SEMA6A: variants seen among roughly 807,000 people sequenced by gnomAD.
SEMA6A encodes semaphorin 6A.
Under a neutral mutation model 96.8 loss-of-function variants are expected in SEMA6A, and 25 were observed. That is an observed-to-expected ratio of 0.26 (90% CI 0.19 to 0.36). The LOEUF (loss-of-function observed/expected upper bound fraction) is 0.36, where lower values mean the gene tolerates loss of function less well. Among genes scored for constraint, SEMA6A ranks in the 10% least tolerant of loss-of-function variants. The pLI is 1.00. For missense variants in SEMA6A, 1,363 were observed against 1,323.1 expected (o/e 1.03, Z -0.47); for synonymous variants, 612 against 518.0 (o/e 1.18, Z -2.46).
At chr5:116,507,811 C>A (rs991878556) in intron 1 of SEMA6A, among the ~76,000 whole-genome samples, 1 of 152,192 alleles carries the variant, frequency 6.6e-6, no homozygotes, top group Non-Finnish European at 1.5e-5. Context: ...CTTGTCTCAG[C>A]CTTTCACTCT....
At chr5:116,482,952 C>T (rs996206602) in intron 10 of SEMA6A, among the ~76,000 whole-genome samples, 2 of 152,170 alleles carry the variant, frequency 1.3e-5, no homozygotes, top group Non-Finnish European at 2.9e-5. Flanking sequence ...TTCTGTGTCA[C>T]TAATATTGGT....
chr5:116,562,715 C>G (rs570023052), intron 1 of SEMA6A: 6 of 733,150 alleles, frequency 8.2e-6, no homozygotes, highest in South Asian at 8.1e-5. Flanking sequence ...CAAAGAAACC[C>G]TCTGCCGTGT....
At chr5:116,502,436 G>A (rs1757930655) in intron 2 of SEMA6A, 109 bp from the exon 3 acceptor site, 1 of 814,368 alleles carries the variant, frequency 1.2e-6, no homozygotes, top group Non-Finnish European at 2.1e-6. Context: ...GTTTAAGTCA[G>A]ACCATGCCAC....
intron 18 of SEMA6A, among the ~76,000 whole-genome samples, chr5:116,459,443 T>G (rs1755232853): frequency 6.6e-6 from 1 of 152,192 alleles, no homozygotes; most frequent in African/African-American, 2.4e-5. Context: ...CTCCACTTCC[T>G]GTTGCTAAAG....
intron 1 of SEMA6A, among the ~76,000 whole-genome samples, chr5:116,557,058 CTCT>C (rs1298636598): frequency 4.6e-5 from 7 of 152,192 alleles, no homozygotes; most frequent in Admixed American, 1.3e-4. Flanking sequence ...GGGTGTGCTT[CTCT>C]TCTTAATATC....
intron 18 of SEMA6A, among the ~76,000 whole-genome samples, chr5:116,451,478 T>C (rs1182334035): frequency 1.3e-5 from 2 of 152,242 alleles, no homozygotes; most frequent in Non-Finnish European, 2.9e-5. Context: ...AGGATGCCTA[T>C]AGTTACTGAA....
chr5:116,503,517 CTT>C lies in SEMA6A; in HGVS notation c.101-1192_101-1191del, dbSNP rs11305955. 2.1e-3 allele frequency among the ~76,000 whole-genome samples: 308 copies of C among 145,438 alleles called. 2 individuals are homozygous for C. The highest frequency in any genetic ancestry group is 6.2e-3 in the South Asian group (28 of 4,522). On this transcript the variant is annotated intron_variant, in intron 2 of 18. Transcript: ENST00000343348. ...TAGTCCATTTGGGCTGGAGTCCCTTCTTTTTTTTTTTTTGAGACAGAGTCTCG... is the reference window on the plus strand; with the variant it reads ...TAGTCCATTTGGGCTGGAGTCCCTTCTTTTTTTTTTTGAGACAGAGTCTCG...
intron 1 of SEMA6A, among the ~76,000 whole-genome samples, chr5:116,521,206 G>C (rs1758932503): frequency 6.6e-6 from 1 of 152,154 alleles, no homozygotes; most frequent in Non-Finnish European, 1.5e-5. Context: ...CCAGAGGTGT[G>C]GATTGTGGAA....
At chr5:116,459,753 C>T (rs557029873) in intron 18 of SEMA6A, among the ~76,000 whole-genome samples, 1 of 152,268 alleles carries the variant, frequency 6.6e-6, no homozygotes, top group Non-Finnish European at 1.5e-5. Flanking sequence ...TCCTTGACTT[C>T]CCTTACTGTC....
At chr5:116,566,016 A>C (rs1761011852) in intron 1 of SEMA6A, among the ~76,000 whole-genome samples, 1 of 143,440 alleles carries the variant, frequency 7.0e-6, no homozygotes, top group Non-Finnish European at 1.5e-5. Flanking sequence ...CAGGGAAAGA[A>C]GAATGGATCT....
chr5:116,495,902 C>A, intron 5 of SEMA6A: 1 of 323,552 alleles, frequency 3.1e-6, no homozygotes, highest in Non-Finnish European at 5.7e-6. Context: ...TGCATGTCTG[C>A]GGCAGCCTTT....
chr5:116,552,928 T>G (rs1760474531), intron 1 of SEMA6A, among the ~76,000 whole-genome samples: 1 of 152,154 alleles, frequency 6.6e-6, no homozygotes, highest in Non-Finnish European at 1.5e-5. Context: ...CGATCCTGTC[T>G]CCAGGAGAAA....
At chr5:116,543,052 C>A (rs1049603231) in intron 1 of SEMA6A, among the ~76,000 whole-genome samples, 9 of 151,910 alleles carry the variant, frequency 5.9e-5, no homozygotes, top group African/African-American at 2.2e-4. Flanking sequence ...AATTTTTTTT[C>A]TTCTAAGCTC....
chr5:116,542,040 G>A (rs1388409842), intron 1 of SEMA6A, among the ~76,000 whole-genome samples: 1 of 152,158 alleles, frequency 6.6e-6, no homozygotes. Flanking sequence ...GTTATCTAAG[G>A]ACTCTGTCCC....
At chr5:116,503,037 C>G (rs1757962754) in intron 2 of SEMA6A, among the ~76,000 whole-genome samples, 1 of 152,182 alleles carries the variant, frequency 6.6e-6, no homozygotes, top group African/African-American at 2.4e-5. Context: ...TTCTCTTTTC[C>G]TACACTTCTC....
intron 1 of SEMA6A, among the ~76,000 whole-genome samples, chr5:116,523,072 C>T (rs1487253724): frequency 6.6e-6 from 1 of 152,182 alleles, no homozygotes; most frequent in Non-Finnish European, 1.5e-5. Flanking sequence ...CATCCCATCC[C>T]AGTACCCTTT....
At chr5:116,448,170 TAAAAAAAAA>T (rs59202921) in intron 18 of SEMA6A, among the ~76,000 whole-genome samples, 31 of 119,506 alleles carry the variant, frequency 2.6e-4, no homozygotes, top group African/African-American at 5.1e-4. Flanking sequence ...CCGTCTCTAC[TAAAAAAAAA>T]AAAAAAAAAA....
At chr5:116,537,579 T>A (rs560957199) in intron 1 of SEMA6A, among the ~76,000 whole-genome samples, 1 of 152,312 alleles carries the variant, frequency 6.6e-6, no homozygotes, top group East Asian at 1.9e-4. Flanking sequence ...TTTCAACAGA[T>A]TTAACCCCCA....
intron 1 of SEMA6A, among the ~76,000 whole-genome samples, chr5:116,545,362 G>A (rs566997037): frequency 4.8e-4 from 73 of 152,178 alleles, no homozygotes; most frequent in Admixed American, 4.6e-3. Flanking sequence ...CTGAGGTCAG[G>A]AGTTCGAGAC....
Sources: gnomAD v4.1 joint callset for allele counts (sites outside exome capture counted in the v4.1 genomes callset) on GRCh38, gnomAD v4.1.1 for gene constraint, MANE v1.5 for transcripts, NCBI Gene and HGNC (gene_info 2026-07-23, HGNC 2026-07-21) for gene names.